PDE4D: variants seen among roughly 807,000 people sequenced by gnomAD.
The protein encoded by PDE4D is phosphodiesterase 4D, also known as 3',5'-cyclic-AMP phosphodiesterase 4D.
Under a neutral mutation model 87.4 loss-of-function variants are expected in PDE4D, and 24 were observed. The ratio of observed to expected loss-of-function variants is 0.27; its 90% CI spans 0.20 to 0.39. The LOEUF (loss-of-function observed/expected upper bound fraction) is 0.39, where lower values mean the gene tolerates loss of function less well. Among genes scored for constraint, PDE4D ranks in the 10% least tolerant of loss-of-function variants. The probability of loss-of-function intolerance (pLI) is 1.00; values close to 1 mark genes in which losing one functional copy is unlikely to be tolerated. For synonymous variants in PDE4D, 384 were observed against 383.2 expected, an observed-to-expected ratio of 1.00 and a Z score of -0.02; for missense variants, 714 against 1,041.0, an observed-to-expected ratio of 0.69 and a Z score of 4.32.
chr5:59,909,160 A>G (rs1420326660), intron 3 of PDE4D, among the ~76,000 whole-genome samples: 2 of 152,100 alleles, frequency 1.3e-5, no homozygotes, highest in African/African-American at 4.8e-5. Context: ...ATCTCTACCA[A>G]CCATCACTTT....
At position 58,974,467 on chromosome 5, in the gene PDE4D, C is replaced by T. The variant is rs1743214790; in HGVS notation, c.*197G>A. ...AAACGCTGTTCGTGAAGATGTCCACCTTGCTCGGATGACATGGAGGTGAAA... is the reference window on the plus strand; with the variant it reads ...AAACGCTGTTCGTGAAGATGTCCACTTTGCTCGGATGACATGGAGGTGAAA... On this transcript the variant is annotated 3_prime_UTR_variant, in exon 15 of 15. Coordinates refer to ENST00000340635, the MANE Select transcript of PDE4D (RefSeq NM_001104631.2). 1 of 417,598 alleles carries T rather than the reference C, an allele frequency of 2.4e-6. No individual in the cohort carries two copies. Among genetic ancestry groups the T allele is most frequent in the Non-Finnish European group, 4.2e-6 (1 of 236,038 alleles). 25.9% of individuals were successfully genotyped at this position (417,598 alleles called of 1,614,324 possible). A position where few individuals can be genotyped will look rare whatever the true frequency, so the allele number is the denominator to read the frequency against.
At chr5:59,398,342 G>T (rs1349527893) in intron 1 of PDE4D, among the ~76,000 whole-genome samples, 1 of 139,196 alleles carries the variant, frequency 7.2e-6, no homozygotes, top group Non-Finnish European at 1.6e-5. Context: ...TAAAATACTG[G>T]CAAACCAAAT....
chr5:59,575,177 T>G (rs559850169), intron 1 of PDE4D, among the ~76,000 whole-genome samples: 1 of 152,272 alleles, frequency 6.6e-6, no homozygotes, highest in South Asian at 2.1e-4. Flanking sequence ...AGGGAGATGA[T>G]TTTTAGAGCT....
intron 1 of PDE4D, among the ~76,000 whole-genome samples, chr5:59,633,057 T>A (rs571917536): frequency 9.9e-5 from 15 of 152,108 alleles, no homozygotes; most frequent in African/African-American, 3.6e-4. Flanking sequence ...CTGATGGAGT[T>A]GAAAAAACAC....
At chr5:59,921,900 T>A (rs1055715876) in intron 3 of PDE4D, among the ~76,000 whole-genome samples, 5 of 152,128 alleles carry the variant, frequency 3.3e-5, no homozygotes, top group Non-Finnish European at 7.3e-5. Flanking sequence ...AGGTGAGCAA[T>A]CTCTGTACCT....
At chr5:59,445,457 C>T (rs1798212050) in intron 1 of PDE4D, among the ~76,000 whole-genome samples, 1 of 152,172 alleles carries the variant, frequency 6.6e-6, no homozygotes, top group African/African-American at 2.4e-5. Flanking sequence ...CCTATGCAGG[C>T]TGAACTGCCT....
At chr5:60,202,087 G>C (rs944718880) in intron 1 of PDE4D, among the ~76,000 whole-genome samples, 1 of 152,116 alleles carries the variant, frequency 6.6e-6, no homozygotes, top group Non-Finnish European at 1.5e-5. Flanking sequence ...TTTCTCTAAG[G>C]GTGAGGAAGA....
At position 59,893,634 on chromosome 5, in the gene PDE4D, G is replaced by A. The variant is rs1751309232; in HGVS notation, c.-12C>T. 4 of 1,480,126 alleles carry A rather than the reference G, an allele frequency of 2.7e-6. No individual in the cohort carries two copies. The highest frequency in any genetic ancestry group is 3.6e-6 in the Non-Finnish European group (4 of 1,120,748). 91.7% of individuals were successfully genotyped at this position (1,480,126 alleles called of 1,614,324 possible). A position where few individuals can be genotyped will look rare whatever the true frequency, so the allele number is the denominator to read the frequency against. On this transcript the variant is annotated 5_prime_UTR_variant, in exon 1 of 15. Transcript: ENST00000340635. ...CCCTCTGCCTCCATCCTGGCTCGCG[G>A]CTCCGCGACCTGCTGCCCAGCCCGG...
intron 1 of PDE4D, among the ~76,000 whole-genome samples, chr5:59,791,502 T>C (rs1297186681): frequency 6.6e-6 from 1 of 152,188 alleles, no homozygotes; most frequent in Non-Finnish European, 1.5e-5. Flanking sequence ...GCAGGGTAAA[T>C]GATGGAGAGG....
chr5:60,179,382 G>T (rs1176332048), intron 2 of PDE4D, among the ~76,000 whole-genome samples: 1 of 152,044 alleles, frequency 6.6e-6, no homozygotes, highest in African/African-American at 2.4e-5. Context: ...ATTCCATTTA[G>T]GAAAGCTTTA....
At chr5:60,054,814 A>T (rs796111179) in intron 2 of PDE4D, among the ~76,000 whole-genome samples, 1 of 152,168 alleles carries the variant, frequency 6.6e-6, no homozygotes, top group Non-Finnish European at 1.5e-5. Context: ...TTCTACCTGC[A>T]GAAAACAAAC....
chr5:59,536,845 C>T (rs1815362084), intron 1 of PDE4D, among the ~76,000 whole-genome samples: 1 of 152,138 alleles, frequency 6.6e-6, no homozygotes, highest in African/African-American at 2.4e-5. Flanking sequence ...ATGTTTACCA[C>T]CACAAATTTG....
chr5:59,999,854 T>C (rs537432203), intron 2 of PDE4D, among the ~76,000 whole-genome samples: 2 of 151,680 alleles, frequency 1.3e-5, no homozygotes, highest in African/African-American at 2.4e-5. Context: ...ATTAGGAAAA[T>C]GATGCAGGAA....
At chr5:59,088,984 A>G (rs1404264728) in intron 5 of PDE4D, among the ~76,000 whole-genome samples, 1 of 152,152 alleles carries the variant, frequency 6.6e-6, no homozygotes, top group African/African-American at 2.4e-5. Flanking sequence ...ATTCATTACA[A>G]TATCTTCTCT....
At chr5:60,404,864 G>A (rs551521481) in intron 1 of PDE4D, among the ~76,000 whole-genome samples, 15 of 152,258 alleles carry the variant, frequency 9.9e-5, no homozygotes, top group African/African-American at 2.6e-4. Flanking sequence ...CTAATCCTGG[G>A]CTCCCTTCAG....
chr5:59,123,374 G>A (rs1346998092), intron 5 of PDE4D, among the ~76,000 whole-genome samples: 1 of 151,878 alleles, frequency 6.6e-6, no homozygotes, highest in African/African-American at 2.4e-5. Flanking sequence ...TCCTTTTTCT[G>A]CCCATTCTGG....
chr5:59,410,971 T>A (rs1210626550), intron 1 of PDE4D, among the ~76,000 whole-genome samples: 1 of 152,212 alleles, frequency 6.6e-6, no homozygotes, highest in Non-Finnish European at 1.5e-5. Context: ...TCTCTCACCT[T>A]CCAATGTGCC....
intron 3 of PDE4D, among the ~76,000 whole-genome samples, chr5:59,899,643 TG>T (rs1160023827): frequency 6.6e-6 from 1 of 152,114 alleles, no homozygotes; most frequent in African/African-American, 2.4e-5. Context: ...GTGTGATGTT[TG>T]GGAGTGCTAT....
At chr5:59,774,897 A>G (rs758770911) in intron 1 of PDE4D, among the ~76,000 whole-genome samples, 8 of 151,840 alleles carry the variant, frequency 5.3e-5, no homozygotes, top group Non-Finnish European at 2.9e-5. Context: ...GTTTCACCAC[A>G]TTGGTCAGAC....
Sources: gnomAD v4.1 joint callset for allele counts (sites outside exome capture counted in the v4.1 genomes callset) on GRCh38, gnomAD v4.1.1 for gene constraint, MANE v1.5 for transcripts, NCBI Gene and HGNC (gene_info 2026-07-23, HGNC 2026-07-21) for gene names.